The following DSTYK variants were observed in gnomAD, a reference collection of about 807,000 sequenced individuals.
DSTYK encodes the protein RIP-homologous kinase.
In DSTYK, 34 loss-of-function variants were observed where a neutral mutation model predicts 98.7. The observed-to-expected ratio is 0.34, with a 90% CI of 0.26 to 0.46. The LOEUF (loss-of-function observed/expected upper bound fraction) is 0.46, where lower values mean the gene tolerates loss of function less well. Among genes scored for constraint, DSTYK ranks in the 20% least tolerant of loss-of-function variants. The probability of loss-of-function intolerance (pLI) is 1.00; values close to 1 mark genes in which losing one functional copy is unlikely to be tolerated. For missense variants in DSTYK, 962 were observed against 1,181.7 expected, an observed-to-expected ratio of 0.81 and a Z score of 2.73; for synonymous variants, 462 against 457.3, an observed-to-expected ratio of 1.01 and a Z score of -0.13.
Position 205,155,896 on chromosome 1 carries a change from G to C in DSTYK, c.2352+1377C>G, listed in dbSNP as rs112801741. On this transcript the variant is annotated intron_variant, in intron 10 of 12. Coordinates refer to ENST00000367162, the MANE Select transcript of DSTYK (RefSeq NM_015375.3). ...GGGCTGGGCCCAGGGCCCCCCTGCT[G>C]TATGCAGCCTTCGAACATGGTGCCC... is the stretch of plus-strand genomic sequence containing the variant. Among the ~76,000 whole-genome samples the C allele has an allele frequency of 9.2e-3, 1,394 of 152,342 alleles. 24 individuals are homozygous for C. The highest frequency in any genetic ancestry group is 0.03 in the African/African-American group (1,258 of 41,576).
At chr1:205,200,129 T>G (rs997877423) in intron 1 of DSTYK, among the ~76,000 whole-genome samples, 1 of 152,080 alleles carries the variant, frequency 6.6e-6, no homozygotes, top group Non-Finnish European at 1.5e-5. Flanking sequence ...CTTCGCCTCC[T>G]GGGTTCAAGA....
chr1:205,160,337 TC>T (rs1657680499), intron 7 of DSTYK, 67 bp from the exon 8 acceptor site: 47 of 1,422,542 alleles, frequency 3.3e-5, no homozygotes, highest in Admixed American at 1.1e-4. Context: ...TCTGTAAGAT[TC>T]TTTTTTTTTT....
At chr1:205,156,738 C>G (rs1295887516) in intron 10 of DSTYK, among the ~76,000 whole-genome samples, 4 of 152,104 alleles carry the variant, frequency 2.6e-5, no homozygotes, top group Non-Finnish European at 5.9e-5. Flanking sequence ...GTTGGGAAGG[C>G]ATGATTGTGT....
rs374006516 is a variant in DSTYK, at chr1:205,162,930, A to G, written c.1634T>C (p.Ile545Thr). ...CTAAGTAATAATCCCTACCTGTTTG[A>G]TTTGCTCCCATAGCATCCTTGTAAC... ...SSVTRMLWEQIKQIIQRITWV... is the reference protein window; with the variant it reads ...SSVTRMLWEQTKQIIQRITWV... The change falls in exon 5 of 13, where the codon ATC (isoleucine) becomes ACC (threonine). Residue 545 changes from isoleucine (I) to threonine (T), a missense_variant. By Grantham distance (89) the Ile-to-Thr change is moderately conservative. This residue lies in a region of DSTYK where 660 missense variants were observed against 855.0 expected (regional missense o/e 0.77). Transcript: ENST00000367162. 1.1e-5 allele frequency: 17 copies of G among 1,612,890 alleles called. No homozygotes were observed. The African/African-American group carries it at 2.1e-4, about 20-fold the overall frequency.
At position 205,187,596 on chromosome 1, in the gene DSTYK, G is replaced by A; in HGVS notation, c.476C>T (p.Thr159Ile). ...KLRRLRFTYG[T>I]QTRVSLALPG... ...GAGCGCCAGGCTGACCCGAGTCTGA[G>A]TCCCATAGGTGAAGCGGAGGCGCCG... Residue 159 changes from threonine (T) to isoleucine (I), a missense_variant, in exon 2 of 13, where the codon ACT becomes ATT. Coordinates refer to ENST00000367162, the MANE Select transcript of DSTYK (RefSeq NM_015375.3). 6.2e-7 allele frequency: 1 copy of A among 1,614,180 alleles called. No homozygotes were observed. Among genetic ancestry groups the A allele is most frequent in the Non-Finnish European group, 8.5e-7 (1 of 1,180,042 alleles).
At position 205,169,998 on chromosome 1, in the gene DSTYK, T is replaced by C. The variant is rs1184311158; in HGVS notation, c.655-166A>G. Among the ~76,000 whole-genome samples, 1 of 152,124 alleles carries C rather than the reference T, an allele frequency of 6.6e-6. No homozygotes were observed. The highest frequency in any genetic ancestry group is 1.5e-5 in the Non-Finnish European group (1 of 68,016). ...TTCCTCGGTTACCAACACTCCCTGG[T>C]GCAGCCTATGAAGGCAGGCACTCAT... On this transcript the variant is annotated intron_variant, in intron 2 of 12. Transcript: ENST00000367162. This position sits in a 1 kb window ranked among gnomAD's most constrained non-coding sequence, Gnocchi z 4.0.
In DSTYK at chr1:205,159,632, A is replaced by G. The variant is rs781144442; in HGVS notation, c.2153T>C (p.Ile718Thr). The G allele has an allele frequency of 1.9e-6, 3 of 1,613,850 alleles. No individual in the cohort carries two copies. Among genetic ancestry groups the G allele is most frequent in the East Asian group, 4.5e-5 (2 of 44,854 alleles). ...ERLVDLHGSV[I>T]DYNYGGGSSI... The stretch of plus-strand genomic sequence containing the variant: ...GGAGCCACCACCATAGTTGTAGTCA[A>G]TGACTGAACCATGGAGATCCACCAA... Residue 718 changes from isoleucine to threonine, a missense_variant, in exon 9 of 13, where the codon ATT (isoleucine) becomes ACT (threonine). By Grantham distance (89) the Ile-to-Thr change is moderately conservative (BLOSUM62 -1). Coordinates refer to ENST00000367162, the MANE Select transcript of DSTYK (RefSeq NM_015375.3).
chr1:205,190,293 C>A (rs778085446), intron 1 of DSTYK, among the ~76,000 whole-genome samples: 3 of 152,056 alleles, frequency 2.0e-5, no homozygotes, highest in South Asian at 2.1e-4. Context: ...TTAAGAGCAA[C>A]CATCACTCCT....
intron 2 of DSTYK, among the ~76,000 whole-genome samples, chr1:205,179,339 G>A (rs1574777733): frequency 6.6e-6 from 1 of 152,038 alleles, no homozygotes; most frequent in South Asian, 2.1e-4. Flanking sequence ...GACTAGATGC[G>A]GCCGGGCGTG....
Position 205,163,849 on chromosome 1 carries a change from A to G in DSTYK, c.1431T>C (p.Ala477=). ...LIISRLNQAV[A]NKLISSVDYL... is the part of the protein sequence containing the mutation. The stretch of plus-strand genomic sequence containing the variant: ...AATCCACTGAGCTGATCAGCTTATT[A>G]GCCACTGCCTGATTAAGTCGGGAGA... Residue 477 remains alanine (A), a synonymous_variant, in exon 4 of 13, where the codon GCT becomes GCC. Coordinates refer to ENST00000367162, the MANE Select transcript of DSTYK (RefSeq NM_015375.3). The G allele has an allele frequency of 6.2e-7, 1 of 1,614,206 alleles. No individual in the cohort carries two copies. Among genetic ancestry groups the G allele is most frequent in the South Asian group, 1.1e-5 (1 of 91,084 alleles).
intron 1 of DSTYK, among the ~76,000 whole-genome samples, chr1:205,198,562 T>C (rs1389759212): frequency 6.6e-6 from 1 of 152,218 alleles, no homozygotes; most frequent in Non-Finnish European, 1.5e-5. Flanking sequence ...GGCTAGAGTA[T>C]ATCATATGGA....
intron 1 of DSTYK, among the ~76,000 whole-genome samples, chr1:205,197,628 A>C (rs112134632): frequency 1.3e-5 from 2 of 152,214 alleles, no homozygotes; most frequent in African/African-American, 4.8e-5. Flanking sequence ...AAAAAAATAC[A>C]TCAAATACAG....
At chr1:205,182,498 T>TTA (rs776472916) in intron 2 of DSTYK, among the ~76,000 whole-genome samples, 1 of 77,738 alleles carries the variant, frequency 1.3e-5, no homozygotes, top group South Asian at 5.6e-4. Flanking sequence ...TTAAAAACGG[T>TTA]AAAAAAAAAA....
At chr1:205,196,335 T>G (rs1452189137) in intron 1 of DSTYK, among the ~76,000 whole-genome samples, 1 of 151,986 alleles carries the variant, frequency 6.6e-6, no homozygotes, top group African/African-American at 2.4e-5. Flanking sequence ...GGCAGGAGGA[T>G]CGCTTGAGCC....
At chr1:205,202,070 G>C in intron 1 of DSTYK, 1 of 377,190 alleles carries the variant, frequency 2.7e-6, no homozygotes, top group Non-Finnish European at 5.2e-6. Context: ...AACTCGGGAA[G>C]GGGAGAGGGG....
chr1:205,151,666 C>T, intron 10 of DSTYK, among the ~76,000 whole-genome samples: 1 of 147,270 alleles, frequency 6.8e-6, no homozygotes, highest in Admixed American at 6.8e-5. Flanking sequence ...GGGTCTTTCT[C>T]TGTTGTCCAG....
chr1:205,144,423 AC>A lies in DSTYK; in HGVS notation c.*3134del, dbSNP rs1222769217. 1.3e-5 allele frequency: 2 copies of A among 152,560 alleles called. No homozygotes were observed. The highest frequency in any genetic ancestry group is 2.4e-5 in the African/African-American group (1 of 41,408). 9.5% of individuals were successfully genotyped at this position (152,560 alleles called of 1,614,324 possible). A position where few individuals can be genotyped will look rare whatever the true frequency, so the allele number is the denominator to read the frequency against. ...CTTTGGTCATGCTGAGCCCTCTATA[AC>A]CCAAGTGCTGCCAGACTTCTTTGAA... is the stretch of plus-strand genomic sequence containing the variant. On this transcript the variant is annotated 3_prime_UTR_variant, in exon 13 of 13. Transcript: ENST00000367162.
chr1:205,198,362 C>G (rs963203430), intron 1 of DSTYK, among the ~76,000 whole-genome samples: 1 of 152,140 alleles, frequency 6.6e-6, no homozygotes, highest in Admixed American at 6.5e-5. Context: ...GTTAAAGCAG[C>G]AAAACTTTTC....
chr1:205,201,464 T>C (rs952674651), intron 1 of DSTYK, among the ~76,000 whole-genome samples: 9 of 142,978 alleles, frequency 6.3e-5, no homozygotes, highest in Non-Finnish European at 6.1e-5. Context: ...ATGAAATGCA[T>C]ATCATTGTTC....
Sources: allele counts gnomAD v4.1 joint callset (sites outside exome capture counted in the v4.1 genomes callset), GRCh38; gene constraint gnomAD v4.1.1; regional missense constraint gnomAD v4.1.1; non-coding constraint Gnocchi (gnomAD v3.1); transcripts MANE v1.5; gene names NCBI Gene and HGNC (gene_info 2026-07-23, HGNC 2026-07-21).